Variants in LRCH4 observed in about 807,000 individuals in gnomAD.
LRCH4 encodes leucine rich repeats and calponin homology domain containing 4, also known as leucine-rich repeat and calponin homology domain-containing protein 4.
Under a neutral mutation model 81.2 loss-of-function variants are expected in LRCH4, and 56 were observed. The observed-to-expected ratio is 0.69, with a 90% CI of 0.56 to 0.86. The LOEUF (loss-of-function observed/expected upper bound fraction) is 0.86, where lower values mean the gene tolerates loss of function less well. Among genes scored for constraint, LRCH4 ranks in the 40% least tolerant of loss-of-function variants. The pLI is 0.00. For synonymous variants in LRCH4, 442 were observed against 409.7 expected (o/e 1.08, Z -0.95); for missense variants, 895 against 922.8 (o/e 0.97, Z 0.39).
chr7:100,576,406 A>G lies in LRCH4; in HGVS notation c.1553-83T>C, dbSNP rs1056763033. 8 of 904,228 alleles carry G rather than the reference A, an allele frequency of 8.8e-6. No homozygotes were observed. The African/African-American group carries it at 1.3e-4, about 15-fold the overall frequency. 56.0% of individuals were successfully genotyped at this position (904,228 alleles called of 1,614,324 possible). ...TGGGTCCCAGTGGCCTGGCACCTAC[A>G]CCTCCTGCCTCTCTGCTTGTGGGAT... On this transcript the variant is annotated intron_variant, in intron 14 of 17. Transcript: ENST00000310300.
chr7:100,578,330 G>C lies in LRCH4; in HGVS notation c.848+69C>G, dbSNP rs779694012. 2.5e-6 allele frequency: 4 copies of C among 1,599,980 alleles called. No homozygotes were observed. In the South Asian group the frequency reaches 4.4e-5, roughly 18 times the overall value. On this transcript the variant is annotated intron_variant, in intron 6 of 17. Coordinates refer to ENST00000310300, the MANE Select transcript of LRCH4 (RefSeq NM_002319.5). This position sits in a 1 kb window ranked among gnomAD's most constrained non-coding sequence, Gnocchi z 5.7. The stretch of plus-strand genomic sequence containing the variant: ...CCCCCCATCCTCCTGCCAGAAAGCA[G>C]GGGGTGCCTGGGGCCGGGAAGGGGC...
Position 100,581,798 on chromosome 7 carries a change from G to C in LRCH4, c.577C>G (p.Gln193Glu). 6.2e-7 allele frequency: 1 copy of C among 1,614,210 alleles called. No individual in the cohort carries two copies. Among genetic ancestry groups the C allele is most frequent in the East Asian group, 2.2e-5 (1 of 44,894 alleles). ...TCACCTTCGGGCAGCGTACTGAGCT[G>C]GTTCCTCCGGACATTGAGGTCCCGC... ...SLRDLNVRRNQLSTLPEELGD... is the reference protein window; with the variant it reads ...SLRDLNVRRNELSTLPEELGD... Residue 193 changes from glutamine (Q) to glutamate (E), a missense_variant, in exon 4 of 18, where the codon CAG becomes GAG. Around this residue, in one of 3 missense-constraint regions of LRCH4, gnomAD observed 360 missense variants for 397.0 expected, o/e 0.91. Transcript: ENST00000310300.
intron 14 of LRCH4, 66 bp from the exon 15 acceptor site, chr7:100,576,389 A>G: frequency 8.4e-7 from 1 of 1,195,952 alleles, no homozygotes. Context: ...GCTGGGTCCC[A>G]GTGGCCTGGC....
chr7:100,580,684 AAC>A (rs904761510), intron 4 of LRCH4: 161 of 151,602 alleles, frequency 1.1e-3, no homozygotes, highest in East Asian at 2.0e-3. Flanking sequence ...CACACGACAT[AAC>A]ACAGACATAA....
At position 100,575,124 on chromosome 7, in the gene LRCH4, G is replaced by C. The variant is rs369773140; in HGVS notation, c.2035C>G (p.Arg679Gly). 6.2e-7 allele frequency: 1 copy of C among 1,610,344 alleles called. No individual in the cohort carries two copies. Among genetic ancestry groups the C allele is most frequent in the Non-Finnish European group, 8.5e-7 (1 of 1,177,572 alleles). The change falls in exon 18 of 18, where the codon CGG (arginine) becomes GGG (glycine). Residue 679 changes from arginine to glycine, a missense_variant. Arg to Gly is a moderately radical substitution (Grantham distance 125). Coordinates refer to ENST00000310300, the MANE Select transcript of LRCH4 (RefSeq NM_002319.5). This position sits in a 1 kb window ranked among gnomAD's most constrained non-coding sequence, Gnocchi z 5.3. ...TTTGGGGCCTAGGAACCCAGGAGCC[G>C]AGTGTAGGTGACATAGAGCAGCAGC... ...LMLLLYVTYT[R>G]LLGS
At chr7:100,576,544 G>A (rs1801365385) in intron 14 of LRCH4, 150 bp downstream of exon 14, 1 of 742,898 alleles carries the variant, frequency 1.3e-6, no homozygotes, top group South Asian at 1.8e-5. Flanking sequence ...GATTACAGGT[G>A]TGAGCCACCA....
chr7:100,575,430 G>GGCAGGGGGAGTGCAGT lies in LRCH4; in HGVS notation c.1855-142_1855-127dup. The GGCAGGGGGAGTGCAGT allele has an allele frequency of 1.0e-6, 1 of 954,748 alleles. No individual in the cohort carries two copies. The highest frequency in any genetic ancestry group is 1.4e-5 in the South Asian group (1 of 70,468). 59.1% of individuals were successfully genotyped at this position (954,748 alleles called of 1,614,324 possible). On this transcript the variant is annotated intron_variant, in intron 17 of 17. Transcript: ENST00000310300. This position sits in a 1 kb window ranked among gnomAD's most constrained non-coding sequence, Gnocchi z 5.3. ...ACCACGCCCACATGCTGACGTGCTG[G>GGCAGGGGGAGTGCAGT]GCAGGGGGAGTGCAGTGCAGGAGGA...
Position 100,575,258 on chromosome 7 carries a change from C to T in LRCH4, c.1901G>A (p.Gly634Glu). ...CACGGCCTCCAGCGCGGTCCGCAGCCCCCGGGCAGTGCCCTGGAGGAGATC... is the reference window on the plus strand; with the variant it reads ...CACGGCCTCCAGCGCGGTCCGCAGCTCCCGGGCAGTGCCCTGGAGGAGATC... ...PSDLLQGTAR[G>E]LRTALEAVKR... Residue 634 changes from glycine to glutamate, a missense_variant, in exon 18 of 18, where the codon GGG becomes GAG. Gly to Glu is a moderately conservative substitution (Grantham distance 98). This residue lies in a region of LRCH4 where 529 missense variants were observed against 504.9 expected (regional missense o/e 1.05). Coordinates refer to ENST00000310300, the MANE Select transcript of LRCH4 (RefSeq NM_002319.5). The surrounding 1 kb of genome is among the most constrained non-coding windows in gnomAD (Gnocchi z 5.3). 1 of 1,582,414 alleles carries T rather than the reference C, an allele frequency of 6.3e-7. No homozygotes were observed. Among genetic ancestry groups the T allele is most frequent in the Non-Finnish European group, 8.6e-7 (1 of 1,163,336 alleles).
rs1326321525 is a variant in LRCH4 at position 100,575,757 on chromosome 7, C to T, written c.1802G>A (p.Arg601Gln). 1.4e-5 allele frequency: 22 copies of T among 1,612,412 alleles called. No individual in the cohort carries two copies. In the Admixed American group the frequency reaches 1.7e-4, roughly 12 times the overall value. The change falls in exon 17 of 18, where the codon CGG becomes CAG. Residue 601 changes from arginine (R) to glutamine (Q), a missense_variant. Arg to Gln is a conservative substitution (Grantham distance 43). This residue lies in a region of LRCH4 where 529 missense variants were observed against 504.9 expected (regional missense o/e 1.05). Transcript: ENST00000310300. The surrounding 1 kb of genome is among the most constrained non-coding windows in gnomAD (Gnocchi z 5.3). ...AVPKLSALKA[R>Q]KNVESFLEAC... ...TTCTAGAAAACTCTCCACATTCTTC[C>T]GAGCCTTGAGGGCACTGAGTTTTGG...
chr7:100,577,835 C>A lies in LRCH4; in HGVS notation c.1026G>T (p.Lys342Asn). 6.2e-7 allele frequency: 1 copy of A among 1,613,102 alleles called. No homozygotes were observed. The highest frequency in any genetic ancestry group is 1.1e-5 in the South Asian group (1 of 91,020). Reference protein sequence around the residue: ...AREPRGPRERKEDGSADGDPV... With the variant: ...AREPRGPRERNEDGSADGDPV... ...CCTGCTACTCACCTGAGCCATCCTC[C>A]TTGCGTTCTCTGGGTCCCCGGGGCT... The change falls in exon 8 of 18, where the codon AAG (lysine) becomes AAT (asparagine). Residue 342 changes from lysine to asparagine, a missense_variant. By Grantham distance (94) the Lys-to-Asn change is moderately conservative. Transcript: ENST00000310300. This position sits in a 1 kb window ranked among gnomAD's most constrained non-coding sequence, Gnocchi z 6.7.
chr7:100,575,106 C>T lies in LRCH4; in HGVS notation c.*1G>A. ...GGGTGAGGGAGGGCCGATTTTGGGG[C>T]CTAGGAACCCAGGAGCCGAGTGTAG... On this transcript the variant is annotated 3_prime_UTR_variant, in exon 18 of 18. Coordinates refer to ENST00000310300, the MANE Select transcript of LRCH4 (RefSeq NM_002319.5). This position sits in a 1 kb window ranked among gnomAD's most constrained non-coding sequence, Gnocchi z 5.3. The T allele has an allele frequency of 6.2e-7, 1 of 1,605,136 alleles. No homozygotes were observed. The highest frequency in any genetic ancestry group is 2.2e-5 in the East Asian group (1 of 44,692).
Position 100,578,978 on chromosome 7 carries a change from G to T in LRCH4, c.599-192C>A. The T allele has an allele frequency of 1.6e-6, 1 of 615,664 alleles. No homozygotes were observed. The highest frequency in any genetic ancestry group is 2.1e-5 in the South Asian group (1 of 48,534). The allele number at this position is 615,664 out of a possible 1,614,324, so 38.1% of individuals were successfully genotyped here. On this transcript the variant is annotated intron_variant, in intron 4 of 17. Coordinates refer to ENST00000310300, the MANE Select transcript of LRCH4 (RefSeq NM_002319.5). This position sits in a 1 kb window ranked among gnomAD's most constrained non-coding sequence, Gnocchi z 5.7. ...CACATGATTCTGGTCCACGGTCTAA[G>T]CGAGCCTCCCTGAGAGGGCCCATCT... is the stretch of plus-strand genomic sequence containing the variant.
Position 100,575,856 on chromosome 7 carries a change from C to A in LRCH4, c.1776+15G>T. ...CCCCGGCCCATCCCCCACCTCTTCC[C>A]CAGCCCCAACTGACCACAGCAGGGG... On this transcript the variant is annotated intron_variant, in intron 16 of 17. Transcript: ENST00000310300. The surrounding 1 kb of genome is among the most constrained non-coding windows in gnomAD (Gnocchi z 5.3). The A allele has an allele frequency of 1.2e-6, 2 of 1,612,250 alleles. No homozygotes were observed. The highest frequency in any genetic ancestry group is 1.7e-6 in the Non-Finnish European group (2 of 1,178,750).
chr7:100,582,003 C>G lies in LRCH4; in HGVS notation c.492+38G>C. ...CCCCCTAGAAGGTCCCGCTGCCTGG[C>G]TCAGGGGTCCCTTTCCTGGTCCCGT... is the stretch of plus-strand genomic sequence containing the variant. On this transcript the variant is annotated intron_variant, in intron 3 of 17. Coordinates refer to ENST00000310300, the MANE Select transcript of LRCH4 (RefSeq NM_002319.5). This position sits in a 1 kb window ranked among gnomAD's most constrained non-coding sequence, Gnocchi z 5.0. 6.2e-7 allele frequency: 1 copy of G among 1,600,358 alleles called. No individual in the cohort carries two copies. Among genetic ancestry groups the G allele is most frequent in the Non-Finnish European group, 8.5e-7 (1 of 1,172,938 alleles).
chr7:100,581,549 C>G, intron 4 of LRCH4: 1 of 484,690 alleles, frequency 2.1e-6, no homozygotes, highest in Non-Finnish European at 3.7e-6. Context: ...CTCTGCTCTC[C>G]GCCATCGGAG....
chr7:100,581,937 A>C, intron 3 of LRCH4, 55 bp from the exon 4 acceptor site: 1 of 1,609,474 alleles, frequency 6.2e-7, no homozygotes, highest in Non-Finnish European at 8.5e-7. Context: ...AGCAGAACCC[A>C]CCCTCCCATC....
Position 100,578,748 on chromosome 7 carries a change from A to T in LRCH4, c.637T>A (p.Cys213Ser). ...ACTGGGATTCGGGAGACGCGGTTAC[A>T]GGAGAAATCCAGGCGGACCAGAGGG... Reference protein sequence around the residue: ...DLPLVRLDFSCNRVSRIPVSF... With the variant: ...DLPLVRLDFSSNRVSRIPVSF... Residue 213 changes from cysteine to serine, a missense_variant, in exon 5 of 18, where the codon TGT becomes AGT. Physicochemically the swap from Cys to Ser is moderately radical, Grantham distance 112. Around this residue, in one of 3 missense-constraint regions of LRCH4, gnomAD observed 360 missense variants for 397.0 expected, o/e 0.91. Coordinates refer to ENST00000310300, the MANE Select transcript of LRCH4 (RefSeq NM_002319.5). This position sits in a 1 kb window ranked among gnomAD's most constrained non-coding sequence, Gnocchi z 5.7. 1 of 1,613,948 alleles carries T rather than the reference A, an allele frequency of 6.2e-7. No individual in the cohort carries two copies. Among genetic ancestry groups the T allele is most frequent in the African/African-American group, 1.3e-5 (1 of 75,028 alleles).
rs1424637128 is a variant in LRCH4 at position 100,575,038 on chromosome 7, G to C, written c.*69C>G. On this transcript the variant is annotated 3_prime_UTR_variant, in exon 18 of 18. Transcript: ENST00000310300. The surrounding 1 kb of genome is among the most constrained non-coding windows in gnomAD (Gnocchi z 5.3). The stretch of plus-strand genomic sequence containing the variant: ...TGGGGCTGAAGGCACCGCAGGTGGG[G>C]TCGGGTGGAGCAGGGACCTTATAAA... 12 of 1,438,682 alleles carry C rather than the reference G, an allele frequency of 8.3e-6. No individual in the cohort carries two copies. In the Admixed American group the frequency reaches 2.5e-4, roughly 30 times the overall value. 89.1% of individuals were successfully genotyped at this position (1,438,682 alleles called of 1,614,324 possible).
In LRCH4 at chr7:100,574,763, A is replaced by C; in HGVS notation, c.*344T>G. The C allele has an allele frequency of 1.1e-5, 3 of 262,288 alleles. No individual in the cohort carries two copies. The highest frequency in any genetic ancestry group is 1.5e-5 in the Non-Finnish European group (2 of 136,120). The allele number at this position is 262,288 out of a possible 1,614,324, so 16.2% of individuals were successfully genotyped here. A position where few individuals can be genotyped will look rare whatever the true frequency, so the allele number is the denominator to read the frequency against. On this transcript the variant is annotated 3_prime_UTR_variant, in exon 18 of 18. Transcript: ENST00000310300. ...AAAATAGAGATAATTTAGCCCCCCC[A>C]TAGCAGCTGTTGGGGGGGGAAGGGG... is the stretch of plus-strand genomic sequence containing the variant.
Sources: gnomAD v4.1 joint callset for allele counts on GRCh38, gnomAD v4.1.1 for gene constraint, gnomAD v4.1.1 regional missense constraint, Gnocchi (gnomAD v3.1) non-coding constraint, MANE v1.5 for transcripts, NCBI Gene and HGNC (gene_info 2026-07-23, HGNC 2026-07-21) for gene names.